SLCO2A1: variants seen among roughly 807,000 people sequenced by gnomAD.
SLCO2A1 encodes solute carrier organic anion transporter family member 2A1, also known as matrin F/G 1.
A neutral mutation model predicts 71.7 loss-of-function variants in SLCO2A1; 60 were observed. The observed-to-expected ratio is 0.84, with a 90% CI of 0.68 to 1.04. The LOEUF (loss-of-function observed/expected upper bound fraction) is 1.04, where lower values mean the gene tolerates loss of function less well. Among genes scored for constraint, SLCO2A1 ranks in the 50% least tolerant of loss-of-function variants. SLCO2A1 has a pLI of 0.00. For synonymous variants in SLCO2A1, 308 were observed against 326.7 expected (o/e 0.94, Z 0.62); for missense variants, 745 against 813.4 (o/e 0.92, Z 1.02).
intron 3 of SLCO2A1, among the ~76,000 whole-genome samples, chr3:133,961,076 T>A (rs1207344299): frequency 6.6e-6 from 1 of 151,818 alleles, no homozygotes; most frequent in Admixed American, 6.6e-5. Flanking sequence ...CTGGATTGTA[T>A]CCTAAGGAAA....
intron 9 of SLCO2A1, 129 bp from the exon 10 acceptor site, chr3:133,945,389 C>T (rs1157910829): frequency 2.2e-6 from 2 of 897,458 alleles, no homozygotes; most frequent in African/African-American, 3.4e-5. Flanking sequence ...GGGCCAGTGC[C>T]ACCCTGGGAT....
At chr3:133,949,431 C>T (rs1933678184) in intron 6 of SLCO2A1, among the ~76,000 whole-genome samples, 1 of 152,096 alleles carries the variant, frequency 6.6e-6, no homozygotes, top group Admixed American at 6.6e-5. Context: ...TTCTTGCTTC[C>T]TCCTGAGCCT....
chr3:133,932,702 C>T lies in SLCO2A1; in HGVS notation c.*2011G>A, dbSNP rs1449467656. On this transcript the variant is annotated 3_prime_UTR_variant, in exon 14 of 14. Coordinates refer to ENST00000310926, the MANE Select transcript of SLCO2A1 (RefSeq NM_005630.3). ...ACATAAATTCATGACCAAGTTACCT[C>T]AATAGCAAAATTAGAATATTTTAAT... is the stretch of plus-strand genomic sequence containing the variant. 6.6e-6 allele frequency: 1 copy of T among 152,190 alleles called. No homozygotes were observed. The highest frequency in any genetic ancestry group is 1.9e-4 in the East Asian group (1 of 5,202). 9.4% of individuals were successfully genotyped at this position (152,190 alleles called of 1,614,324 possible).
rs750266935 is a variant in SLCO2A1 at position 133,979,635 on chromosome 3, G to A, written c.97-17C>T. On this transcript the variant is annotated splice_polypyrimidine_tract_variant and intron_variant, in intron 1 of 13. Coordinates refer to ENST00000310926, the MANE Select transcript of SLCO2A1 (RefSeq NM_005630.3). ...CACAAACACCTGGGGGAAGAGTGAT[G>A]GGCCCGTGAGGTTTCTGGACGACAA... 1.1e-5 allele frequency: 17 copies of A among 1,585,648 alleles called. No homozygotes were observed. Among genetic ancestry groups the A allele is most frequent in the South Asian group, 1.0e-4 (9 of 85,898 alleles).
At chr3:133,947,725 C>T (rs572133493) in intron 8 of SLCO2A1, among the ~76,000 whole-genome samples, 4 of 152,280 alleles carry the variant, frequency 2.6e-5, no homozygotes, top group African/African-American at 9.6e-5. Flanking sequence ...ATTTATTAAG[C>T]ACATTTCATT....
chr3:134,012,715 G>T (rs990697731), intron 1 of SLCO2A1, among the ~76,000 whole-genome samples: 1 of 152,170 alleles, frequency 6.6e-6, no homozygotes, highest in South Asian at 2.1e-4. Context: ...GAGCTCCACC[G>T]CTGTGCAGAA....
chr3:133,966,002 G>A (rs1324635017), intron 3 of SLCO2A1, among the ~76,000 whole-genome samples: 2 of 152,178 alleles, frequency 1.3e-5, no homozygotes, highest in African/African-American at 2.4e-5. Flanking sequence ...CACAAACCAT[G>A]ACTGTCCACA....
intron 8 of SLCO2A1, 132 bp from the exon 9 acceptor site, chr3:133,947,577 C>T (rs189295837): frequency 5.5e-5 from 40 of 731,822 alleles, no homozygotes; most frequent in East Asian, 4.4e-4. Flanking sequence ...AAATTGTAAT[C>T]GAAGTAGCTG....
intron 8 of SLCO2A1, among the ~76,000 whole-genome samples, chr3:133,947,683 C>T (rs1232576506): frequency 1.3e-5 from 2 of 152,200 alleles, no homozygotes; most frequent in East Asian, 1.9e-4. Context: ...AAGTGGGGTT[C>T]TTGCAGCTTA....
At chr3:133,946,375 G>T (rs1317688683) in intron 9 of SLCO2A1, among the ~76,000 whole-genome samples, 2 of 152,140 alleles carry the variant, frequency 1.3e-5, no homozygotes, top group African/African-American at 4.8e-5. Context: ...ATGCCCCTTG[G>T]TTGGCATCCT....
chr3:133,940,748 G>C (rs1267481369), intron 11 of SLCO2A1, among the ~76,000 whole-genome samples: 1 of 152,226 alleles, frequency 6.6e-6, no homozygotes, highest in Non-Finnish European at 1.5e-5. Flanking sequence ...TGGTGTCAAA[G>C]GAGGCAACAC....
chr3:133,941,368 C>A (rs185622361), intron 11 of SLCO2A1, among the ~76,000 whole-genome samples: 22 of 152,142 alleles, frequency 1.4e-4, no homozygotes, highest in East Asian at 9.7e-4. Flanking sequence ...TGACACCAAC[C>A]CTTTGAGTTC....
At chr3:134,016,152 AG>A (rs1289540126) in intron 1 of SLCO2A1, among the ~76,000 whole-genome samples, 3 of 152,194 alleles carry the variant, frequency 2.0e-5, no homozygotes, top group African/African-American at 7.2e-5. Flanking sequence ...TGACACCAAA[AG>A]CAGGATCCAG....
chr3:133,984,466 A>G (rs188934020), intron 1 of SLCO2A1, among the ~76,000 whole-genome samples: 3 of 152,176 alleles, frequency 2.0e-5, no homozygotes, highest in Admixed American at 2.0e-4. Flanking sequence ...TGCAAGGTAG[A>G]AAAGGCAGGG....
intron 1 of SLCO2A1, 23 bp from the exon 2 acceptor site, chr3:133,979,641 G>A (rs373831942): frequency 4.6e-5 from 73 of 1,583,106 alleles, no homozygotes; most frequent in South Asian, 5.9e-5. Flanking sequence ...TGATGGGCCC[G>A]TGAGGTTTCT....
At chr3:133,974,282 C>G (rs975935337) in intron 2 of SLCO2A1, among the ~76,000 whole-genome samples, 1 of 152,182 alleles carries the variant, frequency 6.6e-6, no homozygotes, top group Non-Finnish European at 1.5e-5. Flanking sequence ...ACCCAAGGAC[C>G]TTGGCTTGGT....
chr3:134,028,319 C>T (rs1298055562), intron 1 of SLCO2A1, among the ~76,000 whole-genome samples: 1 of 152,104 alleles, frequency 6.6e-6, no homozygotes, highest in Admixed American at 6.5e-5. Context: ...TTATAAATAC[C>T]AAAGGTTCCA....
chr3:133,984,239 C>T (rs1308555553), intron 1 of SLCO2A1, among the ~76,000 whole-genome samples: 2 of 152,106 alleles, frequency 1.3e-5, no homozygotes, highest in Non-Finnish European at 1.5e-5. Context: ...ACAGAAATTC[C>T]CCCACTTTCT....
At chr3:133,945,031 G>A in intron 10 of SLCO2A1, 64 bp downstream of exon 10, 3 of 1,533,612 alleles carry the variant, frequency 2.0e-6, no homozygotes, top group Non-Finnish European at 2.6e-6. Flanking sequence ...AGTCTTTGAG[G>A]GCATGCGCTG....
Sources: allele counts gnomAD v4.1 joint callset (sites outside exome capture counted in the v4.1 genomes callset), GRCh38; gene constraint gnomAD v4.1.1; transcripts MANE v1.5; gene names NCBI Gene and HGNC (gene_info 2026-07-23, HGNC 2026-07-21).